The following PPP1R21 variants were observed in gnomAD, a reference collection of about 807,000 sequenced individuals.
PPP1R21 encodes the protein protein phosphatase 1 regulatory subunit 21.
A neutral mutation model predicts 112.8 loss-of-function variants in PPP1R21; 85 were observed. The ratio of observed to expected loss-of-function variants is 0.75; its 90% CI spans 0.63 to 0.90. The LOEUF (loss-of-function observed/expected upper bound fraction) is 0.90. PPP1R21 is among the 40% of genes least tolerant of loss of function. PPP1R21 has a pLI of 0.00. For missense variants in PPP1R21, 1,199 were observed against 901.5 expected (o/e 1.33, Z -4.23); for synonymous variants, 381 against 322.3 (o/e 1.18, Z -1.95).
intron 1 of PPP1R21, among the ~76,000 whole-genome samples, chr2:48,442,159 T>C (rs1380423387): frequency 6.6e-6 from 1 of 152,070 alleles, no homozygotes; most frequent in African/African-American, 2.4e-5. Flanking sequence ...TTTGAAGGAG[T>C]GTTTCCTTGC....
intron 13 of PPP1R21, among the ~76,000 whole-genome samples, chr2:48,480,954 A>C (rs940535066): frequency 6.6e-6 from 1 of 152,184 alleles, no homozygotes; most frequent in Non-Finnish European, 1.5e-5. Flanking sequence ...AGTCTACGGT[A>C]TGGGCCTTTC....
chr2:48,466,229 T>TG (rs1346760359), intron 9 of PPP1R21, among the ~76,000 whole-genome samples: 1 of 152,002 alleles, frequency 6.6e-6, no homozygotes, highest in Non-Finnish European at 1.5e-5. Flanking sequence ...TTTCTTTTTT[T>TG]GAGGTGGAGT....
intron 1 of PPP1R21, among the ~76,000 whole-genome samples, chr2:48,443,166 C>G (rs573581666): frequency 1.3e-5 from 2 of 152,292 alleles, no homozygotes; most frequent in South Asian, 2.1e-4. Flanking sequence ...ATACAAGGCA[C>G]TCATCCTTGT....
At chr2:48,444,052 C>G (rs1486908663) in intron 1 of PPP1R21, among the ~76,000 whole-genome samples, 1 of 149,706 alleles carries the variant, frequency 6.7e-6, no homozygotes, top group East Asian at 1.9e-4. Flanking sequence ...AAAAAAAAAC[C>G]AAACAAACAG....
At chr2:48,502,591 T>G (rs1052880397) in intron 17 of PPP1R21, among the ~76,000 whole-genome samples, 3 of 152,052 alleles carry the variant, frequency 2.0e-5, no homozygotes, top group Non-Finnish European at 4.4e-5. Context: ...TGTTAATTGA[T>G]TAACAAAGGA....
chr2:48,495,392 T>C (rs953816533), intron 15 of PPP1R21, among the ~76,000 whole-genome samples: 1 of 152,050 alleles, frequency 6.6e-6, no homozygotes. Flanking sequence ...TTAGTAGAGA[T>C]GGGGTTTCAC....
Position 48,465,635 on chromosome 2 carries a change from A to G in PPP1R21, c.890A>G (p.Asn297Ser). The G allele has an allele frequency of 6.2e-7, 1 of 1,609,032 alleles. No homozygotes were observed. Among genetic ancestry groups the G allele is most frequent in the Non-Finnish European group, 8.5e-7 (1 of 1,178,736 alleles). Residue 297 changes from asparagine to serine, a missense_variant, in exon 9 of 22, where the codon AAT (asparagine) becomes AGT (serine). By Grantham distance (46) the Asn-to-Ser change is conservative. Transcript: ENST00000294952. ...GCCATTGACACTATATCTCCATTGA[A>G]TCAGAAGGTAAATTTAATTCAGGAT... ...DSAIDTISPL[N>S]QKFSQYLHEN... is the part of the protein sequence containing the mutation.
intron 21 of PPP1R21, among the ~76,000 whole-genome samples, chr2:48,512,598 T>C (rs1670692238): frequency 6.6e-6 from 1 of 152,208 alleles, no homozygotes; most frequent in Non-Finnish European, 1.5e-5. Context: ...ATTTAGGGTC[T>C]TCTTGGAAAA....
At chr2:48,477,811 G>A (rs751395524) in intron 12 of PPP1R21, among the ~76,000 whole-genome samples, 15 of 151,964 alleles carry the variant, frequency 9.9e-5, no homozygotes, top group Non-Finnish European at 1.9e-4. Context: ...AGATCATTTT[G>A]GAGAGGGTTG....
chr2:48,503,664 A>G (rs1670232928), intron 17 of PPP1R21, among the ~76,000 whole-genome samples: 1 of 152,014 alleles, frequency 6.6e-6, no homozygotes, highest in South Asian at 2.1e-4. Context: ...CTTTCCTTGC[A>G]TTGTCGGGCG....
chr2:48,475,871 A>G (rs937470511), intron 12 of PPP1R21, among the ~76,000 whole-genome samples: 1 of 152,136 alleles, frequency 6.6e-6, no homozygotes, highest in African/African-American at 2.4e-5. Context: ...TTTTTGGGTA[A>G]CTGAATGGAC....
chr2:48,484,868 G>A (rs1407134263), intron 13 of PPP1R21, among the ~76,000 whole-genome samples: 1 of 152,182 alleles, frequency 6.6e-6, no homozygotes, highest in Non-Finnish European at 1.5e-5. Flanking sequence ...CAATAGCATT[G>A]TTCTTAGTAT....
At chr2:48,452,937 C>G (rs1309193696) in intron 2 of PPP1R21, among the ~76,000 whole-genome samples, 3 of 149,700 alleles carry the variant, frequency 2.0e-5, no homozygotes, top group Admixed American at 2.0e-4. Context: ...TAGCCTATGG[C>G]TTTTAAGTTG....
In PPP1R21 at chr2:48,444,048, AAACC is replaced by A. The variant is rs888851989; in HGVS notation, c.57+3041_57+3044del. 4.8e-5 allele frequency among the ~76,000 whole-genome samples: 7 copies of A among 146,618 alleles called. No homozygotes were observed. The South Asian group carries it at 6.2e-4, about 13-fold the overall frequency. On this transcript the variant is annotated intron_variant, in intron 1 of 21. Transcript: ENST00000294952. Reference sequence around the variant, plus strand: ...TTCCTCTTGAAAAGGAAGAAAAAAAAAACCAAACAAACAGTGGTCTGAGGAGCTC... The same window carrying A: ...TTCCTCTTGAAAAGGAAGAAAAAAAAAAACAAACAGTGGTCTGAGGAGCTC...
intron 14 of PPP1R21, among the ~76,000 whole-genome samples, chr2:48,486,990 G>T (rs536186916): frequency 2.6e-5 from 4 of 152,328 alleles, no homozygotes; most frequent in South Asian, 4.1e-4. Flanking sequence ...GGACTCAGGG[G>T]AGTCTCCTGG....
chr2:48,456,656 C>T (rs1476854031), intron 3 of PPP1R21, among the ~76,000 whole-genome samples: 1 of 152,146 alleles, frequency 6.6e-6, no homozygotes, highest in Non-Finnish European at 1.5e-5. Context: ...ATATGCATTT[C>T]CCCACATAGA....
chr2:48,451,449 G>A (rs1175521036), intron 2 of PPP1R21, among the ~76,000 whole-genome samples: 1 of 152,210 alleles, frequency 6.6e-6, no homozygotes, highest in African/African-American at 2.4e-5. Context: ...TCACTCAGCA[G>A]ATGGCAGGTC....
chr2:48,507,749 CT>C (rs34546075), intron 19 of PPP1R21, among the ~76,000 whole-genome samples: 286 of 42,230 alleles, frequency 6.8e-3, no homozygotes, highest in East Asian at 0.014. Flanking sequence ...GAGGCTCTGC[CT>C]TTTTTTTTTT....
intron 1 of PPP1R21, among the ~76,000 whole-genome samples, chr2:48,450,447 C>T (rs981973993): frequency 3.3e-5 from 5 of 152,174 alleles, no homozygotes; most frequent in African/African-American, 1.2e-4. Context: ...TAAATGGAGC[C>T]TGCTTCTTAG....
Sources: gnomAD v4.1 joint callset for allele counts (sites outside exome capture counted in the v4.1 genomes callset) on GRCh38, gnomAD v4.1.1 for gene constraint, MANE v1.5 for transcripts, NCBI Gene and HGNC (gene_info 2026-07-23, HGNC 2026-07-21) for gene names.